Variants in TRIM15 observed in about 807,000 individuals in gnomAD.
TRIM15 encodes E3 ubiquitin-protein ligase TRIM15.
In TRIM15, 35 loss-of-function variants were observed where a neutral mutation model predicts 35.8. The observed-to-expected ratio is 0.98, with a 90% CI of 0.75 to 1.30. The LOEUF is 1.30. Ranked by LOEUF, TRIM15 falls within the 50% of genes most tolerant of loss-of-function variation. The pLI is 0.00. For missense variants in TRIM15, 590 were observed against 593.5 expected (o/e 0.99, Z 0.06); for synonymous variants, 252 against 249.8 (o/e 1.01, Z -0.08).
rs750368271 is a variant in TRIM15 at position 30,172,387 on chromosome 6, G to A, written c.*38G>A. On this transcript the variant is annotated 3_prime_UTR_variant, in exon 7 of 7. Coordinates refer to ENST00000376694, the MANE Select transcript of TRIM15 (RefSeq NM_033229.3). ...GAAGGGCGGCGAAGCGGAGACGGCG[G>A]CTCTCCGGGATCCAGCTCCGCCCCT... 41 of 1,560,894 alleles carry A rather than the reference G, an allele frequency of 2.6e-5. No homozygotes were observed. The South Asian group carries it at 4.1e-4, about 16-fold the overall frequency.
Position 30,172,390 on chromosome 6 carries a change from C to T in TRIM15, c.*41C>T, listed in dbSNP as rs150264994. ...GGGCGGCGAAGCGGAGACGGCGGCT[C>T]TCCGGGATCCAGCTCCGCCCCTGGC... On this transcript the variant is annotated 3_prime_UTR_variant, in exon 7 of 7. Coordinates refer to ENST00000376694, the MANE Select transcript of TRIM15 (RefSeq NM_033229.3). 5.8e-5 allele frequency: 90 copies of T among 1,558,612 alleles called. No homozygotes were observed. Among genetic ancestry groups the T allele is most frequent in the African/African-American group, 4.6e-4 (34 of 73,852 alleles).
intron 1 of TRIM15, 34 bp downstream of exon 1, chr6:30,164,099 G>A (rs536508706): frequency 6.3e-7 from 1 of 1,585,364 alleles, no homozygotes; most frequent in East Asian, 2.2e-5. Flanking sequence ...GGCCTGTTTG[G>A]GGCAGGATGA....
At chr6:30,164,284 G>T (rs1279536462) in intron 1 of TRIM15, among the ~76,000 whole-genome samples, 3 of 152,182 alleles carry the variant, frequency 2.0e-5, no homozygotes, top group African/African-American at 7.2e-5. Flanking sequence ...AGCTCTCAGA[G>T]GACCCCACAG....
At position 30,163,660 on chromosome 6, in the gene TRIM15, T is replaced by C. The variant is rs1211399476; in HGVS notation, c.-25T>C. On this transcript the variant is annotated 5_prime_UTR_variant, in exon 1 of 7. Coordinates refer to ENST00000376694, the MANE Select transcript of TRIM15 (RefSeq NM_033229.3). ...CTCGCGTGGGCTGAGGAGACCGGAGTGGACGGGCTGGGGAAGGCACCGTGA... is the reference window on the plus strand; with the variant it reads ...CTCGCGTGGGCTGAGGAGACCGGAGCGGACGGGCTGGGGAAGGCACCGTGA... The C allele has an allele frequency of 6.3e-7, 1 of 1,579,608 alleles. No individual in the cohort carries two copies. Among genetic ancestry groups the C allele is most frequent in the Admixed American group, 1.7e-5 (1 of 58,280 alleles).
chr6:30,171,859 C>T lies in TRIM15; in HGVS notation c.908C>T (p.Ala303Val). 1 of 1,582,202 alleles carries T rather than the reference C, an allele frequency of 6.3e-7. No homozygotes were observed. The highest frequency in any genetic ancestry group is 8.6e-7 in the Non-Finnish European group (1 of 1,164,136). ...GTCATCACTCTGGACCCTCAGACCG[C>T]CAGCCGGAGCCTGGTTCTCTCGGAA... is the stretch of plus-strand genomic sequence containing the variant. ...SGVITLDPQT[A>V]SRSLVLSEDR... Residue 303 changes from alanine (A) to valine (V), a missense_variant, in exon 7 of 7, where the codon GCC (alanine) becomes GTC (valine). Coordinates refer to ENST00000376694, the MANE Select transcript of TRIM15 (RefSeq NM_033229.3).
At chr6:30,169,617 T>C in intron 4 of TRIM15, 1 of 504,792 alleles carries the variant, frequency 2.0e-6, no homozygotes, top group Non-Finnish European at 3.6e-6. Flanking sequence ...GGGGGAATAC[T>C]TTCTGTAGAC....
chr6:30,171,950 C>A lies in TRIM15; in HGVS notation c.999C>A (p.Asp333Glu). ...KSLPDSPLRF[D>E]GLPAVLGFPG... The stretch of plus-strand genomic sequence containing the variant: ...TGCCAGACAGCCCCCTGCGCTTCGA[C>A]GGCCTCCCGGCGGTTCTGGGCTTCC... Residue 333 changes from aspartate to glutamate, a missense_variant, in exon 7 of 7, where the codon GAC (aspartate) becomes GAA (glutamate). Asp to Glu is a conservative substitution (Grantham distance 45). Coordinates refer to ENST00000376694, the MANE Select transcript of TRIM15 (RefSeq NM_033229.3). 1 of 1,594,408 alleles carries A rather than the reference C, an allele frequency of 6.3e-7. No homozygotes were observed. The highest frequency in any genetic ancestry group is 8.5e-7 in the Non-Finnish European group (1 of 1,170,454).
chr6:30,169,269 G>A lies in TRIM15; in HGVS notation c.731+6G>A, dbSNP rs777602598. ...GTCAGAGTCAACCAGAGCAGGTAGG[G>A]CCCACTCCCCGGTCCTGCCTCCTTT... is the stretch of plus-strand genomic sequence containing the variant. On this transcript the variant is annotated splice_donor_region_variant and intron_variant, in intron 4 of 6. Coordinates refer to ENST00000376694, the MANE Select transcript of TRIM15 (RefSeq NM_033229.3). 7 of 1,613,064 alleles carry A rather than the reference G, an allele frequency of 4.3e-6. No individual in the cohort carries two copies. Among genetic ancestry groups the A allele is most frequent in the Non-Finnish European group, 5.9e-6 (7 of 1,180,016 alleles).
At chr6:30,170,868 G>A (rs1029238) in intron 5 of TRIM15, 108 bp from the exon 6 acceptor site, 140,433 of 1,295,544 alleles carry the variant, frequency 0.11, 8,752 homozygotes, top group African/African-American at 0.17. Flanking sequence ...AGCAGAAGCC[G>A]AGTCTTCTGT....
rs760218715 is a variant in TRIM15 at position 30,163,920 on chromosome 6, G to C, written c.236G>C (p.Gly79Ala). The stretch of plus-strand genomic sequence containing the variant: ...GCCCCTGTGCCCCTGGGCCCGCTGG[G>C]AGAAACTTACTGCGAGGAGCACGGC... Reference protein sequence around the residue: ...PMAPVPLGPLGETYCEEHGEK... With the variant: ...PMAPVPLGPLAETYCEEHGEK... The change falls in exon 1 of 7, where the codon GGA becomes GCA. Residue 79 changes from glycine to alanine, a missense_variant. Gly to Ala is a moderately conservative substitution (Grantham distance 60). Coordinates refer to ENST00000376694, the MANE Select transcript of TRIM15 (RefSeq NM_033229.3). 1 of 1,613,122 alleles carries C rather than the reference G, an allele frequency of 6.2e-7. No individual in the cohort carries two copies. The highest frequency in any genetic ancestry group is 8.5e-7 in the Non-Finnish European group (1 of 1,180,036).
At chr6:30,167,327 G>C in intron 2 of TRIM15, 56 bp downstream of exon 2, 1 of 1,429,210 alleles carries the variant, frequency 7.0e-7, no homozygotes, top group Non-Finnish European at 9.8e-7. Context: ...AAGAGACTCT[G>C]GGGAAACCCG....
At position 30,170,580 on chromosome 6, in the gene TRIM15, A is replaced by G; in HGVS notation, c.811A>G (p.Ile271Val). Residue 271 changes from isoleucine (I) to valine (V), a missense_variant, in exon 5 of 7, where the codon ATA becomes GTA. Physicochemically the swap from Ile to Val is conservative, Grantham distance 29. Coordinates refer to ENST00000376694, the MANE Select transcript of TRIM15 (RefSeq NM_033229.3). ...GAAGATCCGTGATTTCCACAGGAAAATACTCACCCTCCCAGAGATGATGAG... is the reference window on the plus strand; with the variant it reads ...GAAGATCCGTGATTTCCACAGGAAAGTACTCACCCTCCCAGAGATGATGAG... ...VKKIRDFHRK[I>V]LTLPEMMRMF... 1 of 1,614,080 alleles carries G rather than the reference A, an allele frequency of 6.2e-7. No individual in the cohort carries two copies. Among genetic ancestry groups the G allele is most frequent in the South Asian group, 1.1e-5 (1 of 91,076 alleles).
rs575543206 is a variant in TRIM15 at position 30,169,660 on chromosome 6, T to C, written c.731+397T>C. Among the ~76,000 whole-genome samples the C allele has an allele frequency of 5.3e-5, 8 of 152,358 alleles. No homozygotes were observed. The South Asian group carries it at 1.4e-3, about 28-fold the overall frequency. On this transcript the variant is annotated intron_variant, in intron 4 of 6. Transcript: ENST00000376694. ...AGCATGGAAACCAGGAATACCAGCCTGTTCTTTCATTCATTCATTTTTTAC... is the reference window on the plus strand; with the variant it reads ...AGCATGGAAACCAGGAATACCAGCCCGTTCTTTCATTCATTCATTTTTTAC...
Position 30,172,470 on chromosome 6 carries a change from T to A in TRIM15, c.*121T>A. On this transcript the variant is annotated 3_prime_UTR_variant, in exon 7 of 7. Transcript: ENST00000376694. ...CGCGTGAGGCGAGAGAACAGGGGACTTGAGTCTCGAACAGCGGTTGTTTTT... is the reference window on the plus strand; with the variant it reads ...CGCGTGAGGCGAGAGAACAGGGGACATGAGTCTCGAACAGCGGTTGTTTTT... 1 of 1,406,284 alleles carries A rather than the reference T, an allele frequency of 7.1e-7. No homozygotes were observed. Among genetic ancestry groups the A allele is most frequent in the South Asian group, 1.3e-5 (1 of 76,790 alleles). The allele number at this position is 1,406,284 out of a possible 1,614,324, so 87.1% of individuals were successfully genotyped here.
At chr6:30,166,581 A>G (rs1215112261) in intron 1 of TRIM15, among the ~76,000 whole-genome samples, 1 of 152,190 alleles carries the variant, frequency 6.6e-6, no homozygotes, top group Non-Finnish European at 1.5e-5. Flanking sequence ...TGTATTGGCT[A>G]TGTGGGCTCT....
intron 6 of TRIM15, 168 bp downstream of exon 6, chr6:30,171,176 A>G (rs1773991615): frequency 1.5e-6 from 1 of 673,974 alleles, no homozygotes; most frequent in African/African-American, 1.8e-5. Context: ...TCTGTCCCAC[A>G]ATATTTTCTT....
chr6:30,172,380 G>C lies in TRIM15; in HGVS notation c.*31G>C. ...GGCGCGCGAAGGGCGGCGAAGCGGA[G>C]ACGGCGGCTCTCCGGGATCCAGCTC... On this transcript the variant is annotated 3_prime_UTR_variant, in exon 7 of 7. Transcript: ENST00000376694. 6.4e-7 allele frequency: 1 copy of C among 1,566,076 alleles called. No individual in the cohort carries two copies. The highest frequency in any genetic ancestry group is 8.6e-7 in the Non-Finnish European group (1 of 1,158,602).
intron 2 of TRIM15, 70 bp downstream of exon 2, chr6:30,167,341 G>T: frequency 7.8e-7 from 1 of 1,284,102 alleles, no homozygotes; most frequent in South Asian, 1.2e-5. Context: ...AAACCCGTTG[G>T]CTGGTATCTG....
Position 30,163,792 on chromosome 6 carries a change from C to A in TRIM15, c.108C>A (p.Cys36Ter). 6.2e-7 allele frequency: 1 copy of A among 1,612,988 alleles called. No homozygotes were observed. The highest frequency in any genetic ancestry group is 8.5e-7 in the Non-Finnish European group (1 of 1,180,016). ...CCATTCCCTGTGGACACACCTTCTGCCGGCTCTGCCTCCCCGCGCTCTCCC... is the reference window on the plus strand; with the variant it reads ...CCATTCCCTGTGGACACACCTTCTGACGGCTCTGCCTCCCCGCGCTCTCCC... ...AVTIPCGHTF[C>*]RLCLPALSQM... Residue 36 changes from cysteine to a stop codon, truncating the protein, a stop_gained, in exon 1 of 7, where the codon TGC (cysteine) becomes TGA (stop). Coordinates refer to ENST00000376694, the MANE Select transcript of TRIM15 (RefSeq NM_033229.3). LOFTEE classifies it high-confidence loss of function.
Sources: gnomAD v4.1 joint callset for allele counts (sites outside exome capture counted in the v4.1 genomes callset) on GRCh38, gnomAD v4.1.1 for gene constraint, MANE v1.5 for transcripts, NCBI Gene and HGNC (gene_info 2026-07-23, HGNC 2026-07-21) for gene names.